Variants in NTRK3 observed in about 807,000 individuals in gnomAD.
NTRK3 encodes neurotrophic receptor tyrosine kinase 3, also known as NT-3 growth factor receptor.
NTRK3 carries 24 observed loss-of-function variants against 91.7 expected under a neutral mutation model. The ratio of observed to expected loss-of-function variants is 0.26; its 90% CI spans 0.19 to 0.37. The LOEUF is 0.37. Among genes scored for constraint, NTRK3 ranks in the 10% least tolerant of loss-of-function variants. NTRK3 has a pLI of 1.00. For synonymous variants in NTRK3, 483 were observed against 404.0 expected, an observed-to-expected ratio of 1.20 and a Z score of -2.34; for missense variants, 880 against 1,068.9, an observed-to-expected ratio of 0.82 and a Z score of 2.46.
intron 15 of NTRK3, among the ~76,000 whole-genome samples, chr15:87,937,171 T>C (rs563302143): frequency 6.6e-6 from 1 of 152,206 alleles, no homozygotes. Flanking sequence ...TCCCTGCAAG[T>C]TGGATACCCA....
At chr15:88,093,873 C>G (rs1597270247) in intron 13 of NTRK3, among the ~76,000 whole-genome samples, 1 of 152,220 alleles carries the variant, frequency 6.6e-6, no homozygotes, top group East Asian at 1.9e-4. Flanking sequence ...TTATCTTGTA[C>G]ATGTTGTTAT....
intron 3 of NTRK3, among the ~76,000 whole-genome samples, chr15:88,249,933 C>T (rs1457177971): frequency 1.3e-5 from 2 of 152,282 alleles, no homozygotes; most frequent in Admixed American, 1.3e-4. Context: ...TTTGCAAGTC[C>T]CTCAAAGATG....
chr15:88,097,891 G>T (rs2049786729), intron 13 of NTRK3, among the ~76,000 whole-genome samples: 1 of 152,128 alleles, frequency 6.6e-6, no homozygotes, highest in Non-Finnish European at 1.5e-5. Context: ...GTGATTTACT[G>T]TTTTTCTCTA....
intron 17 of NTRK3, among the ~76,000 whole-genome samples, chr15:87,923,278 T>A (rs149798207): frequency 7.2e-5 from 11 of 152,302 alleles, no homozygotes; most frequent in Admixed American, 7.2e-4. Context: ...AATAGGAAGG[T>A]CATATAACTG....
At chr15:88,193,836 A>G (rs2047603782) in intron 3 of NTRK3, among the ~76,000 whole-genome samples, 1 of 152,190 alleles carries the variant, frequency 6.6e-6, no homozygotes, top group East Asian at 1.9e-4. Flanking sequence ...ACAAAAAGAA[A>G]AAAAACCTCC....
intron 3 of NTRK3, among the ~76,000 whole-genome samples, chr15:88,242,977 G>A (rs1008488646): frequency 6.6e-6 from 1 of 152,222 alleles, no homozygotes; most frequent in African/African-American, 2.4e-5. Context: ...AGGGATGGGA[G>A]CCAGAAGTCC....
At chr15:88,082,695 G>C (rs1238928710) in intron 13 of NTRK3, among the ~76,000 whole-genome samples, 1 of 152,218 alleles carries the variant, frequency 6.6e-6, no homozygotes, top group Non-Finnish European at 1.5e-5. Context: ...AAGAGCCAAA[G>C]AATGTAGTGA....
chr15:88,191,593 A>AGCACACACACGCATGAATGCACGTGT (rs892745946), intron 3 of NTRK3, among the ~76,000 whole-genome samples: 2 of 152,212 alleles, frequency 1.3e-5, no homozygotes, highest in Admixed American at 1.3e-4. Context: ...TCAGCATTGG[A>AGCACACACACGCATGAATGCACGTGT]GCACACACAC....
chr15:88,052,490 T>C (rs1042767753), intron 13 of NTRK3, among the ~76,000 whole-genome samples: 4 of 152,236 alleles, frequency 2.6e-5, no homozygotes, highest in African/African-American at 9.6e-5. Context: ...CTAAAGCCCA[T>C]GGGCGTCTTT....
chr15:87,972,469 A>G (rs2073339529), intron 14 of NTRK3, among the ~76,000 whole-genome samples: 1 of 152,098 alleles, frequency 6.6e-6, no homozygotes, highest in South Asian at 2.1e-4. Context: ...GGGGATTTTG[A>G]CCACCCCTCC....
Position 88,229,251 on chromosome 15 carries a change from C to T in NTRK3, c.248+26655G>A, listed in dbSNP as rs1332861738. ...AATGGTATTCAACTCTAACAACCAC[C>T]CTGGGGGATGAGGTTCCAGGAGGAA... On this transcript the variant is annotated intron_variant, in intron 3 of 18. Transcript: ENST00000394480. Among the ~76,000 whole-genome samples the T allele has an allele frequency of 3.9e-5, 6 of 152,234 alleles. No individual in the cohort carries two copies. The South Asian group carries it at 1.0e-3, about 26-fold the overall frequency.
chr15:87,864,470 C>T (rs895058735), exon 19 of NTRK3: 3 of 229,850 alleles, frequency 1.3e-5, no homozygotes, highest in Admixed American at 5.7e-5. Flanking sequence ...GTGAGTTATT[C>T]CCCAAATGAT....
chr15:87,908,491 T>A, intron 17 of NTRK3: 1 of 399,830 alleles, frequency 2.5e-6, no homozygotes, highest in Non-Finnish European at 4.4e-6. Flanking sequence ...AGACTCACTG[T>A]GGAAGCTGCC....
intron 13 of NTRK3, among the ~76,000 whole-genome samples, chr15:88,085,207 T>A (rs1295847088): frequency 1.3e-5 from 2 of 151,932 alleles, no homozygotes; most frequent in African/African-American, 4.8e-5. Context: ...AAGGGATGGG[T>A]TTTCAGAGGC....
chr15:87,877,164 C>T (rs779234086), intron 18 of NTRK3, 44 bp from the exon 20 acceptor site: 2 of 1,604,304 alleles, frequency 1.2e-6, no homozygotes, highest in South Asian at 1.1e-5. Context: ...CAAAGCTCAG[C>T]CTTGGTCCTG....
intron 13 of NTRK3, among the ~76,000 whole-genome samples, chr15:88,068,946 G>A (rs577111859): frequency 6.6e-6 from 1 of 152,238 alleles, no homozygotes; most frequent in African/African-American, 2.4e-5. Context: ...GCAGGAAGAA[G>A]GAAGAAAGAG....
chr15:88,008,880 C>T (rs2076676160), intron 14 of NTRK3, among the ~76,000 whole-genome samples: 1 of 152,220 alleles, frequency 6.6e-6, no homozygotes, highest in South Asian at 2.1e-4. Flanking sequence ...CTGGAAGATT[C>T]CCTTTCCATT....
chr15:87,868,273 C>T (rs1017413), exon 19 of NTRK3: 133,605 of 228,100 alleles, frequency 0.59, 42,122 homozygotes, highest in East Asian at 0.68. Flanking sequence ...AAACACAATG[C>T]TGATAATTGC....
chr15:88,219,882 T>C (rs186860913), intron 3 of NTRK3, among the ~76,000 whole-genome samples: 1 of 152,282 alleles, frequency 6.6e-6, no homozygotes, highest in East Asian at 1.9e-4. Context: ...GAAGCAAAGG[T>C]CTGCAAAATG....
Sources: allele counts gnomAD v4.1 joint callset (sites outside exome capture counted in the v4.1 genomes callset), GRCh38; gene constraint gnomAD v4.1.1; transcripts MANE v1.5; gene names NCBI Gene and HGNC (gene_info 2026-07-23, HGNC 2026-07-21).